The following SHISA9 variants were observed in gnomAD, a reference collection of about 807,000 sequenced individuals.
SHISA9 encodes protein shisa-9.
In SHISA9, 13 loss-of-function variants were observed where a neutral mutation model predicts 38.0. That is an observed-to-expected ratio of 0.34 (90% CI 0.22 to 0.54). The LOEUF is 0.54. Ranked by LOEUF, SHISA9 falls within the 20% of genes least tolerant of loss-of-function variation. The pLI is 0.91. For synonymous variants in SHISA9, 275 were observed against 242.0 expected (o/e 1.14, Z -1.27); for missense variants, 538 against 575.8 (o/e 0.93, Z 0.67).
intron 2 of SHISA9, among the ~76,000 whole-genome samples, chr16:13,061,540 G>C (rs2073376076): frequency 6.6e-6 from 1 of 152,168 alleles, no homozygotes; most frequent in African/African-American, 2.4e-5. Flanking sequence ...TTTGGAGAAT[G>C]CATTAGCTAG....
chr16:13,000,096 C>T (rs947772447), intron 2 of SHISA9, among the ~76,000 whole-genome samples: 1 of 152,066 alleles, frequency 6.6e-6, no homozygotes, highest in Non-Finnish European at 1.5e-5. Context: ...TCATTTAATT[C>T]TCATGGCTAT....
chr16:13,290,979 CTTCTT>C, the SHISA9 span, among the ~76,000 whole-genome samples: 1 of 152,180 alleles, frequency 6.6e-6, no homozygotes, highest in Non-Finnish European at 1.5e-5. Flanking sequence ...CAGCAGCTGT[CTTCTT>C]TTGCGGAAGA....
At chr16:12,919,734 T>A (rs2071303753) in intron 2 of SHISA9, among the ~76,000 whole-genome samples, 1 of 152,236 alleles carries the variant, frequency 6.6e-6, no homozygotes, top group Admixed American at 6.5e-5. Context: ...ATATTGGACT[T>A]GCCTTTTTAT....
intron 2 of SHISA9, among the ~76,000 whole-genome samples, chr16:13,169,549 T>C (rs116869663): frequency 0.013 from 1,911 of 152,346 alleles, 24 homozygotes; most frequent in South Asian, 0.023. Context: ...TTAATGTGAA[T>C]TGTGGATGAA....
the SHISA9 span, among the ~76,000 whole-genome samples, chr16:13,512,560 A>T: frequency 1.3e-5 from 2 of 152,178 alleles, no homozygotes; most frequent in African/African-American, 2.4e-5. Flanking sequence ...GGACCATCCT[A>T]AGCAAAAAGA....
chr16:12,996,683 G>A (rs2072461507), intron 2 of SHISA9, among the ~76,000 whole-genome samples: 1 of 152,144 alleles, frequency 6.6e-6, no homozygotes, highest in Non-Finnish European at 1.5e-5. Flanking sequence ...GTCTTTGGAT[G>A]TGTCTCAAGG....
At chr16:12,932,912 A>T (rs2071480476) in intron 2 of SHISA9, among the ~76,000 whole-genome samples, 1 of 152,196 alleles carries the variant, frequency 6.6e-6, no homozygotes, top group Non-Finnish European at 1.5e-5. Flanking sequence ...AGAAAAGAAC[A>T]GAAGGATGGT....
chr16:13,023,501 G>A (rs927132269), intron 2 of SHISA9, among the ~76,000 whole-genome samples: 2 of 152,160 alleles, frequency 1.3e-5, no homozygotes, highest in South Asian at 4.1e-4. Flanking sequence ...TGTCTTTATA[G>A]TAGCATGATT....
At chr16:13,138,064 C>T (rs2050365860) in intron 2 of SHISA9, among the ~76,000 whole-genome samples, 2 of 152,072 alleles carry the variant, frequency 1.3e-5, no homozygotes, top group African/African-American at 4.8e-5. Context: ...TGGGGTAAAG[C>T]CTGAGAATTT....
chr16:13,354,741 A>G, the SHISA9 span, among the ~76,000 whole-genome samples: 2 of 152,210 alleles, frequency 1.3e-5, no homozygotes, highest in South Asian at 4.2e-4. Flanking sequence ...GCTCTTGTGT[A>G]AGAATTCTGA....
Position 13,044,826 on chromosome 16 carries a change from T to A in SHISA9, c.691+128011T>A, listed in dbSNP as rs993253027. Among the ~76,000 whole-genome samples, 3 of 152,208 alleles carry A rather than the reference T, an allele frequency of 2.0e-5. No homozygotes were observed. In the South Asian group the frequency reaches 6.2e-4, roughly 32 times the overall value. ...GTAGCTAAGTGATCACTTAAAGCCC[T>A]TTTATATAGTCTTCTCTCTACTCTT... On this transcript the variant is annotated intron_variant, in intron 2 of 4. Transcript: ENST00000558583.
chr16:13,092,493 G>A (rs1456797073), intron 2 of SHISA9, among the ~76,000 whole-genome samples: 2 of 152,138 alleles, frequency 1.3e-5, no homozygotes, highest in African/African-American at 4.8e-5. Flanking sequence ...CGAGCTTCCT[G>A]GCCACTTTGT....
the SHISA9 span, among the ~76,000 whole-genome samples, chr16:13,492,049 C>T: frequency 6.6e-6 from 1 of 151,378 alleles, no homozygotes; most frequent in African/African-American, 2.4e-5. Flanking sequence ...ATTCCAGACC[C>T]CACCTTTGTC....
At chr16:13,549,938 G>T in the SHISA9 span, among the ~76,000 whole-genome samples, 1 of 151,576 alleles carries the variant, frequency 6.6e-6, no homozygotes, top group Non-Finnish European at 1.5e-5. Context: ...CAGGAGAATC[G>T]CTTGAACCCA....
At chr16:13,241,042 A>C (rs550133088), downstream of SHISA9, among the ~76,000 whole-genome samples, 61 of 152,284 alleles carry the variant, frequency 4.0e-4, no homozygotes, top group South Asian at 0.012. Context: ...TGCTGCAGGG[A>C]AACTTTGGGA....
chr16:13,355,810 G>A, the SHISA9 span, among the ~76,000 whole-genome samples: 1 of 152,200 alleles, frequency 6.6e-6, no homozygotes, highest in Non-Finnish European at 1.5e-5. Context: ...GGCTTCCGAG[G>A]CGATCGGGCA....
chr16:13,134,629 C>T (rs72784481), intron 2 of SHISA9, among the ~76,000 whole-genome samples: 12,264 of 152,086 alleles, frequency 0.081, 616 homozygotes, highest in Middle Eastern at 0.15. Context: ...GGAGACGAGG[C>T]TGGAGAGATG....
the SHISA9 span, among the ~76,000 whole-genome samples, chr16:13,410,154 A>T: frequency 6.6e-6 from 1 of 152,194 alleles, no homozygotes; most frequent in Non-Finnish European, 1.5e-5. Flanking sequence ...ACAGTTTTCT[A>T]TTCTGGGTGA....
the SHISA9 span, among the ~76,000 whole-genome samples, chr16:13,548,966 C>T: frequency 1.3e-5 from 2 of 152,090 alleles, no homozygotes; most frequent in African/African-American, 4.8e-5. Flanking sequence ...CAACCTGTAT[C>T]CCACAGTGAA....
Sources: gnomAD v4.1 joint callset for allele counts (sites outside exome capture counted in the v4.1 genomes callset) on GRCh38, gnomAD v4.1.1 for gene constraint, MANE v1.5 for transcripts, NCBI Gene and HGNC (gene_info 2026-07-23, HGNC 2026-07-21) for gene names.